GRID2: variants seen among roughly 807,000 people sequenced by gnomAD.
GRID2 encodes the protein glutamate ionotropic receptor delta type subunit 2, also known as glutamate receptor ionotropic, delta-2.
A neutral mutation model predicts 114.8 loss-of-function variants in GRID2; 33 were observed. That is an observed-to-expected ratio of 0.29 (90% CI 0.22 to 0.38). The LOEUF (loss-of-function observed/expected upper bound fraction) is 0.38, where lower values mean the gene tolerates loss of function less well. Among genes scored for constraint, GRID2 ranks in the 10% least tolerant of loss-of-function variants. The pLI, the probability that GRID2 is intolerant of heterozygous loss-of-function variation, is 1.00. For synonymous variants in GRID2, 505 were observed against 449.9 expected (o/e 1.12, Z -1.55); for missense variants, 1,184 against 1,257.7 (o/e 0.94, Z 0.89).
chr4:92,941,503 T>A (rs1489101084), intron 2 of GRID2, among the ~76,000 whole-genome samples: 1 of 152,188 alleles, frequency 6.6e-6, no homozygotes, highest in East Asian at 1.9e-4. Context: ...ATTTTGTTGA[T>A]CTTTTCAAAA....
intron 2 of GRID2, among the ~76,000 whole-genome samples, chr4:92,746,639 C>G (rs939319866): frequency 6.6e-6 from 1 of 152,078 alleles, no homozygotes; most frequent in Non-Finnish European, 1.5e-5. Context: ...CATGTCATCT[C>G]TTTACGTACT....
chr4:93,281,088 A>C (rs1752601360), intron 8 of GRID2, among the ~76,000 whole-genome samples: 1 of 151,950 alleles, frequency 6.6e-6, no homozygotes, highest in African/African-American at 2.4e-5. Flanking sequence ...CTATTTTGAT[A>C]AGTGCTTTAA....
At chr4:93,137,966 GTTTTTTT>G (rs753814961) in intron 4 of GRID2, among the ~76,000 whole-genome samples, 9 of 78,380 alleles carry the variant, frequency 1.1e-4, no homozygotes, top group Non-Finnish European at 1.9e-4. Context: ...TTTTTTCTTC[GTTTTTTT>G]TTTTTTTTTT....
chr4:93,042,372 A>G (rs1725642770), intron 2 of GRID2, among the ~76,000 whole-genome samples: 1 of 145,748 alleles, frequency 6.9e-6, no homozygotes, highest in Non-Finnish European at 1.5e-5. Context: ...AACTTAAAGT[A>G]TAATTTTATA....
intron 3 of GRID2, among the ~76,000 whole-genome samples, chr4:93,092,761 G>A (rs1730892479): frequency 6.6e-6 from 1 of 151,908 alleles, no homozygotes; most frequent in Non-Finnish European, 1.5e-5. Flanking sequence ...TTACTACTCT[G>A]TAGTTCTCTA....
intron 13 of GRID2, among the ~76,000 whole-genome samples, chr4:93,621,583 C>T (rs908358406): frequency 8.5e-5 from 13 of 152,146 alleles, no homozygotes; most frequent in African/African-American, 2.9e-4. Context: ...ATTACCTAGT[C>T]AGATGGATTG....
intron 2 of GRID2, among the ~76,000 whole-genome samples, chr4:92,899,148 AAC>A (rs1747381237): frequency 2.0e-5 from 3 of 152,208 alleles, no homozygotes; most frequent in Middle Eastern, 6.8e-3. Context: ...TAAATGGTCA[AAC>A]ACGTTAATTT....
chr4:93,652,444 C>T (rs1258368727), intron 14 of GRID2, among the ~76,000 whole-genome samples: 1 of 152,148 alleles, frequency 6.6e-6, no homozygotes. Flanking sequence ...TTTCTCGTAA[C>T]TTTTCTATGT....
intron 2 of GRID2, among the ~76,000 whole-genome samples, chr4:93,067,599 G>A (rs1490041423): frequency 6.6e-6 from 1 of 151,816 alleles, no homozygotes; most frequent in East Asian, 1.9e-4. Context: ...TACGAATTTG[G>A]GGGGAACACA....
At chr4:92,890,638 A>C (rs1746707553) in intron 2 of GRID2, among the ~76,000 whole-genome samples, 1 of 152,184 alleles carries the variant, frequency 6.6e-6, no homozygotes, top group South Asian at 2.1e-4. Context: ...GATGAGGAGA[A>C]ATAGGAATGC....
intron 1 of GRID2, among the ~76,000 whole-genome samples, chr4:92,384,568 A>T (rs1242330467): frequency 8.3e-5 from 6 of 72,252 alleles, no homozygotes; most frequent in South Asian, 3.2e-4. Flanking sequence ...TATATAATAT[A>T]ATATATAAAA....
rs73839293 is a variant in GRID2 at position 92,355,614 on chromosome 4, T to G, written c.88+50870T>G. The stretch of plus-strand genomic sequence containing the variant: ...CATATAAGCCAAAACTCTACCCTTT[T>G]TCAAGCTGCTTTCCTAACAGAGTGT... On this transcript the variant is annotated intron_variant, in intron 1 of 15. Transcript: ENST00000282020. 7.3e-3 allele frequency among the ~76,000 whole-genome samples: 1,105 copies of G among 151,992 alleles called. 9 individuals carry two copies. Among genetic ancestry groups the G allele is most frequent in the African/African-American group, 0.026 (1,066 of 41,530 alleles).
At chr4:92,868,719 G>A (rs1745074974) in intron 2 of GRID2, among the ~76,000 whole-genome samples, 2 of 152,100 alleles carry the variant, frequency 1.3e-5, no homozygotes, top group South Asian at 2.1e-4. Context: ...GTGTGTGTGT[G>A]TGTGTGTGTG....
intron 2 of GRID2, among the ~76,000 whole-genome samples, chr4:92,812,485 A>G (rs1006832231): frequency 9.2e-5 from 14 of 152,110 alleles, no homozygotes; most frequent in African/African-American, 2.4e-5. Context: ...ATGAAACCAT[A>G]CATCATATAA....
At chr4:92,799,641 G>T (rs1288799538) in intron 2 of GRID2, among the ~76,000 whole-genome samples, 2 of 151,680 alleles carry the variant, frequency 1.3e-5, no homozygotes, top group Non-Finnish European at 2.9e-5. Context: ...ATTGTTTTGG[G>T]GCCTACCCTA....
chr4:92,856,079 A>G lies in GRID2; in HGVS notation c.245-228916A>G, dbSNP rs79496167. Among the ~76,000 whole-genome samples, 1,121 of 152,150 alleles carry G rather than the reference A, an allele frequency of 7.4e-3. 9 individuals are homozygous for G. Among genetic ancestry groups the G allele is most frequent in the Middle Eastern group, 0.061 (18 of 294 alleles). ...TCCTCCAAGCTGGAATTTTTTTCCA[A>G]TTATCCTTAATTGGTTATCTGTATC... On this transcript the variant is annotated intron_variant, in intron 2 of 15. Transcript: ENST00000282020.
At chr4:92,580,209 A>C (rs1423550014) in intron 1 of GRID2, among the ~76,000 whole-genome samples, 1 of 151,408 alleles carries the variant, frequency 6.6e-6, no homozygotes, top group African/African-American at 2.4e-5. Flanking sequence ...ATGCTTTTGA[A>C]ATATTTTACA....
chr4:92,341,342 T>C (rs1009780929), intron 1 of GRID2, among the ~76,000 whole-genome samples: 2 of 152,288 alleles, frequency 1.3e-5, no homozygotes, highest in African/African-American at 4.8e-5. Context: ...GATCACTTGC[T>C]AGTTTAGATT....
chr4:92,649,043 T>C lies in GRID2; in HGVS notation c.244+58757T>C, dbSNP rs1257489176. ...TTACAAGTTTACAAATATATATATA[T>C]ATATATAATATATATATAACTAACC... On this transcript the variant is annotated intron_variant, in intron 2 of 15. Coordinates refer to ENST00000282020, the MANE Select transcript of GRID2 (RefSeq NM_001510.4). Among the ~76,000 whole-genome samples the C allele has an allele frequency of 8.6e-3, 3 of 348 alleles. 1 individual carries two copies. The highest frequency in any genetic ancestry group is 0.015 in the Non-Finnish European group (1 of 68). 0.2% of individuals were successfully genotyped at this position (348 alleles called of 152,430 possible).
Sources: gnomAD v4.1 joint callset for allele counts (sites outside exome capture counted in the v4.1 genomes callset) on GRCh38, gnomAD v4.1.1 for gene constraint, MANE v1.5 for transcripts, NCBI Gene and HGNC (gene_info 2026-07-23, HGNC 2026-07-21) for gene names.